ADAMTSL1: variants seen among roughly 807,000 people sequenced by gnomAD.
ADAMTSL1 encodes the protein ADAMTS like 1, also known as ADAMTS-like protein 1.
In ADAMTSL1, 126 loss-of-function variants were observed where a neutral mutation model predicts 201.8. The observed-to-expected ratio is 0.62, with a 90% confidence interval of 0.54 to 0.72. ADAMTSL1 has a LOEUF of 0.72. Among genes scored for constraint, ADAMTSL1 ranks in the 30% least tolerant of loss-of-function variants. The probability of loss-of-function intolerance (pLI) is 0.00; values close to 1 mark genes in which losing one functional copy is unlikely to be tolerated. For missense variants in ADAMTSL1, 2,679 were observed against 2,277.8 expected, an observed-to-expected ratio of 1.18 and a Z score of -3.59; for synonymous variants, 1,121 against 903.4, an observed-to-expected ratio of 1.24 and a Z score of -4.32.
At chr9:18,716,935 G>T (rs1587970541) in intron 14 of ADAMTSL1, among the ~76,000 whole-genome samples, 1 of 140,776 alleles carries the variant, frequency 7.1e-6, no homozygotes, top group East Asian at 2.0e-4. Flanking sequence ...CATGTCCTTT[G>T]TAGGGACATG....
chr9:18,864,932 T>C (rs148855699), intron 23 of ADAMTSL1, among the ~76,000 whole-genome samples: 771 of 152,336 alleles, frequency 5.1e-3, no homozygotes, highest in Non-Finnish European at 8.3e-3. Flanking sequence ...TTAGGGATGT[T>C]AGACCCATTC....
intron 2 of ADAMTSL1, among the ~76,000 whole-genome samples, chr9:18,402,670 C>T (rs1457751923): frequency 2.0e-5 from 3 of 152,152 alleles, no homozygotes; most frequent in Non-Finnish European, 4.4e-5. Context: ...ATGACATGCT[C>T]TTTCTTGCTC....
intron 2 of ADAMTSL1, among the ~76,000 whole-genome samples, chr9:18,465,659 C>T (rs10123481): frequency 0.57 from 87,385 of 152,112 alleles, 25,229 homozygotes; most frequent in Non-Finnish European, 0.6. Context: ...ATGTTTCTGT[C>T]CTGGGTGGCC....
chr9:18,710,458 C>T (rs945319600), intron 14 of ADAMTSL1, among the ~76,000 whole-genome samples: 1 of 152,126 alleles, frequency 6.6e-6, no homozygotes, highest in African/African-American at 2.4e-5. Context: ...TAGAATACTT[C>T]AGATTAGAAT....
At chr9:18,342,224 G>T (rs1276104121) in intron 2 of ADAMTSL1, among the ~76,000 whole-genome samples, 1 of 152,126 alleles carries the variant, frequency 6.6e-6, no homozygotes, top group South Asian at 2.1e-4. Context: ...ATTGCAAGCT[G>T]ATTACAACTT....
intron 2 of ADAMTSL1, among the ~76,000 whole-genome samples, chr9:18,232,536 GA>G (rs1418605968): frequency 6.6e-6 from 1 of 152,044 alleles, no homozygotes; most frequent in Non-Finnish European, 1.5e-5. Flanking sequence ...TTTTTGCACC[GA>G]AAGAAGTGAC....
chr9:18,721,706 A>G (rs1419254317), intron 15 of ADAMTSL1, 41 bp downstream of exon 15: 1 of 1,604,768 alleles, frequency 6.2e-7, no homozygotes, highest in Non-Finnish European at 8.5e-7. Flanking sequence ...AGGGGCACGT[A>G]CAGAACTGGG....
At chr9:17,959,219 A>G (rs1817624481) in intron 1 of ADAMTSL1, among the ~76,000 whole-genome samples, 2 of 152,178 alleles carry the variant, frequency 1.3e-5, no homozygotes, top group Non-Finnish European at 2.9e-5. Flanking sequence ...AATTTGGCTG[A>G]ACAGCATTTA....
At chr9:18,089,707 C>G (rs1433913138) in intron 1 of ADAMTSL1, among the ~76,000 whole-genome samples, 1 of 152,138 alleles carries the variant, frequency 6.6e-6, no homozygotes, top group Non-Finnish European at 1.5e-5. Flanking sequence ...GTAAAATAGT[C>G]AAACTCATAG....
intron 2 of ADAMTSL1, among the ~76,000 whole-genome samples, chr9:18,284,138 A>G (rs1253157296): frequency 2.0e-5 from 3 of 151,726 alleles, no homozygotes; most frequent in African/African-American, 7.3e-5. Context: ...CTGAGGCAGG[A>G]GAATTGCTCG....
At chr9:18,387,864 G>T (rs1255306888) in intron 2 of ADAMTSL1, among the ~76,000 whole-genome samples, 1 of 152,048 alleles carries the variant, frequency 6.6e-6, no homozygotes. Flanking sequence ...TCTATCGAAT[G>T]ACATGTTTTT....
intron 19 of ADAMTSL1, 142 bp downstream of exon 19, chr9:18,778,048 C>T: frequency 4.8e-6 from 5 of 1,042,126 alleles, no homozygotes; most frequent in Admixed American, 3.1e-5. Flanking sequence ...GGGGTGCAGG[C>T]CCTCTCTTAG....
At chr9:18,789,256 G>A (rs889443005) in intron 19 of ADAMTSL1, among the ~76,000 whole-genome samples, 1 of 152,136 alleles carries the variant, frequency 6.6e-6, no homozygotes, top group Non-Finnish European at 1.5e-5. Flanking sequence ...CTACATGCCA[G>A]GCACTTTTCT....
At chr9:18,201,320 C>G (rs1213741946) in intron 2 of ADAMTSL1, among the ~76,000 whole-genome samples, 1 of 152,034 alleles carries the variant, frequency 6.6e-6, no homozygotes, top group African/African-American at 2.4e-5. Flanking sequence ...TCCAGTATGT[C>G]TACTGTATTG....
At chr9:18,624,357 A>G (rs1285319387) in intron 5 of ADAMTSL1, among the ~76,000 whole-genome samples, 1 of 152,224 alleles carries the variant, frequency 6.6e-6, no homozygotes, top group Non-Finnish European at 1.5e-5. Context: ...GGATAGAGGC[A>G]TAATTCTCTT....
chr9:18,422,728 C>T (rs1183961372), intron 2 of ADAMTSL1, among the ~76,000 whole-genome samples: 1 of 152,180 alleles, frequency 6.6e-6, no homozygotes, highest in Non-Finnish European at 1.5e-5. Flanking sequence ...GGGCGTAGAT[C>T]CTTCTTTTTC....
intron 2 of ADAMTSL1, among the ~76,000 whole-genome samples, chr9:18,232,979 C>G (rs1294210154): frequency 1.3e-5 from 2 of 152,166 alleles, no homozygotes; most frequent in African/African-American, 4.8e-5. Context: ...TTGTACAGTA[C>G]TTTAGAGTTC....
intron 1 of ADAMTSL1, among the ~76,000 whole-genome samples, chr9:17,951,778 T>C (rs1325656477): frequency 3.3e-5 from 5 of 152,132 alleles, no homozygotes; most frequent in African/African-American, 1.2e-4. Context: ...TATTTTGTTC[T>C]AATATTTTGT....
At chr9:17,919,037 CATT>C (rs1349867445) in intron 1 of ADAMTSL1, among the ~76,000 whole-genome samples, 1 of 151,684 alleles carries the variant, frequency 6.6e-6, no homozygotes, top group Non-Finnish European at 1.5e-5. Flanking sequence ...TAGTTACCTC[CATT>C]GTTCTCACAC....
Sources: allele counts gnomAD v4.1 joint callset (sites outside exome capture counted in the v4.1 genomes callset), GRCh38; gene constraint gnomAD v4.1.1; transcripts MANE v1.5; gene names NCBI Gene and HGNC (gene_info 2026-07-23, HGNC 2026-07-21).